The following USP6 variants were observed in gnomAD, a reference collection of about 807,000 sequenced individuals.
The protein encoded by USP6 is ubiquitin specific peptidase 6.
A neutral mutation model predicts 175.7 loss-of-function variants in USP6; 128 were observed. The ratio of observed to expected loss-of-function variants is 0.73; its 90% CI spans 0.63 to 0.84. The LOEUF is 0.84. Ranked by LOEUF, USP6 falls within the 40% of genes least tolerant of loss-of-function variation. USP6 has a pLI of 0.00. For missense variants in USP6, 1,498 were observed against 1,760.3 expected, an observed-to-expected ratio of 0.85 and a Z score of 2.67; for synonymous variants, 562 against 630.6, an observed-to-expected ratio of 0.89 and a Z score of 1.63.
intron 30 of USP6, among the ~76,000 whole-genome samples, chr17:5,150,861 T>C (rs2073751866): frequency 6.6e-6 from 1 of 152,164 alleles, no homozygotes; most frequent in African/African-American, 2.4e-5. Context: ...GGTGGGGGCT[T>C]CCTCCAAAGG....
rs1463152994 is a variant in USP6, at chr17:5,124,763, C to G, written c.-1101C>G. 1 of 152,206 alleles carries G rather than the reference C, an allele frequency of 6.6e-6. No individual in the cohort carries two copies. Among genetic ancestry groups the G allele is most frequent in the Non-Finnish European group, 1.5e-5 (1 of 68,060 alleles). The allele number at this position is 152,206 out of a possible 1,614,324, so 9.4% of individuals were successfully genotyped here. On this transcript the variant is annotated 5_prime_UTR_variant, in exon 5 of 38. Coordinates refer to ENST00000574788, the MANE Select transcript of USP6 (RefSeq NM_001304284.2). ...GGTACTGTAAAACAGCCCTGGGAAA[C>G]TAACGCAGCCTGTTAGCCCACAGAT...
At chr17:5,131,148 C>T (rs1174170063) in intron 11 of USP6, among the ~76,000 whole-genome samples, 2 of 152,006 alleles carry the variant, frequency 1.3e-5, no homozygotes, top group African/African-American at 2.4e-5. Context: ...CCTCACTGTC[C>T]CCATGGGGAA....
chr17:5,164,875 T>G (rs2074068964), intron 33 of USP6, among the ~76,000 whole-genome samples: 1 of 152,264 alleles, frequency 6.6e-6, no homozygotes, highest in Non-Finnish European at 1.5e-5. Context: ...GAGAATACTC[T>G]GTAATTACTC....
At chr17:5,127,831 A>G (rs997038528) in intron 7 of USP6, among the ~76,000 whole-genome samples, 192 bp downstream of exon 7, 3 of 152,242 alleles carry the variant, frequency 2.0e-5, no homozygotes, top group Admixed American at 1.3e-4. Context: ...TGCAGATGCT[A>G]TATAAATGGT....
At chr17:5,131,467 G>A (rs1443407773) in intron 11 of USP6, among the ~76,000 whole-genome samples, 2 of 150,428 alleles carry the variant, frequency 1.3e-5, no homozygotes, top group African/African-American at 4.9e-5. Flanking sequence ...AGAGGCAGGT[G>A]GATGCTTGGC....
At position 5,146,152 on chromosome 17, in the gene USP6, A is replaced by AAGTACATGATTC. The variant is rs766753140; in HGVS notation, c.2298_2309dup (p.Val767_Ser770dup). 4.3e-6 allele frequency: 7 copies of AAGTACATGATTC among 1,610,962 alleles called. No homozygotes were observed. In the Admixed American group the frequency reaches 5.0e-5, roughly 12 times the overall value. ...AATTCAGAACAAATCCTACTAGCAG[A>AAGTACATGATTC]AGTACATGATTCCAACATAAAGGTA... On this transcript the variant is annotated inframe_insertion, in exon 28 of 38. Coordinates refer to ENST00000574788, the MANE Select transcript of USP6 (RefSeq NM_001304284.2).
intron 33 of USP6, among the ~76,000 whole-genome samples, chr17:5,166,135 G>GT (rs1334504820): frequency 6.6e-6 from 1 of 152,064 alleles, no homozygotes; most frequent in Non-Finnish European, 1.5e-5. Flanking sequence ...TGAAGCACGT[G>GT]TTTTTTCCTT....
At position 5,145,537 on chromosome 17, in the gene USP6, T is replaced by C; in HGVS notation, c.2125T>C (p.Leu709=). The C allele has an allele frequency of 6.2e-7, 1 of 1,611,606 alleles. No homozygotes were observed. Among genetic ancestry groups the C allele is most frequent in the Non-Finnish European group, 8.5e-7 (1 of 1,179,028 alleles). ...ATTTGACCCTTTCAATTTTTTGTCTTTGCCACTACCAATGGACAGTTACAT... is the reference window on the plus strand; with the variant it reads ...ATTTGACCCTTTCAATTTTTTGTCTCTGCCACTACCAATGGACAGTTACAT... ...VRFDPFNFLS[L]PLPMDSYMDL... is the part of the protein sequence containing the mutation. The change falls in exon 27 of 38, where the codon TTG becomes CTG. Residue 709 remains leucine, a synonymous_variant. Transcript: ENST00000574788.
chr17:5,117,959 C>T (rs2072571417), intron 1 of USP6, among the ~76,000 whole-genome samples: 1 of 151,834 alleles, frequency 6.6e-6, no homozygotes, highest in Admixed American at 6.6e-5. Flanking sequence ...CTCCCAGCTC[C>T]TCAGGAGGCT....
In USP6 at chr17:5,153,712, A is replaced by G. The variant is rs1262866814; in HGVS notation, c.2644-1710A>G. 2.7e-5 allele frequency among the ~76,000 whole-genome samples: 4 copies of G among 147,258 alleles called. No individual in the cohort carries two copies. The East Asian group carries it at 6.1e-4, about 23-fold the overall frequency. The stretch of plus-strand genomic sequence containing the variant: ...CTGTTGTTGCCCAGGCTGGAGTGCA[A>G]TGGCACGATCTCGGCTCACTGTACT... On this transcript the variant is annotated intron_variant, in intron 30 of 37. Transcript: ENST00000574788.
intron 28 of USP6, 80 bp from the exon 29 acceptor site, chr17:5,147,003 T>G: frequency 7.3e-7 from 1 of 1,374,526 alleles, no homozygotes. Context: ...TAAGACATTC[T>G]TTTGAAATAC....
chr17:5,130,290 G>A, intron 9 of USP6, 77 bp from the exon 10 acceptor site: 2 of 1,464,772 alleles, frequency 1.4e-6, no homozygotes, highest in South Asian at 2.3e-5. Context: ...CAGCATCTGG[G>A]AGCCCGGTGG....
rs968256036 is a variant in USP6, at chr17:5,118,266, C to A, written c.-1861C>A. The stretch of plus-strand genomic sequence containing the variant: ...TGCCCTGTTTACTCAGCCCACTGTG[C>A]TCAACCTCTTGCAGGAGTGTGCAGG... On this transcript the variant is annotated 5_prime_UTR_variant, in exon 2 of 38. Transcript: ENST00000574788. 1.2e-4 allele frequency: 19 copies of A among 152,566 alleles called. No individual in the cohort carries two copies. The highest frequency in any genetic ancestry group is 3.9e-4 in the African/African-American group (16 of 41,468). 9.5% of individuals were successfully genotyped at this position (152,566 alleles called of 1,614,324 possible).
chr17:5,170,305 G>A (rs1365660188), intron 35 of USP6, among the ~76,000 whole-genome samples, 174 bp from the exon 36 acceptor site: 1 of 152,120 alleles, frequency 6.6e-6, no homozygotes, highest in Non-Finnish European at 1.5e-5. Context: ...CATTGAAGAA[G>A]ACAAAAATGT....
intron 21 of USP6, among the ~76,000 whole-genome samples, chr17:5,138,749 G>A (rs2073343303): frequency 6.6e-6 from 1 of 152,216 alleles, no homozygotes; most frequent in Non-Finnish European, 1.5e-5. Context: ...TTCAGGGAGA[G>A]GGCACAGGCG....
chr17:5,162,164 T>C (rs1232283598), intron 32 of USP6, among the ~76,000 whole-genome samples: 1 of 152,212 alleles, frequency 6.6e-6, no homozygotes, highest in Non-Finnish European at 1.5e-5. Flanking sequence ...TGTTTTGTTT[T>C]GTTTTGAGAT....
At position 5,142,501 on chromosome 17, in the gene USP6, GGGTAAGCA is replaced by G. The variant is rs1352497808; in HGVS notation, c.1818+3_1818+10del. The G allele has an allele frequency of 6.2e-7, 1 of 1,609,176 alleles. No individual in the cohort carries two copies. The highest frequency in any genetic ancestry group is 2.2e-5 in the East Asian group (1 of 44,842). ...AAGAGTGTTGCCCCATTAAAGCTTC[GGGTAAGCA>G]GGTTAAAATAATATAAAAGTATTTA... is the stretch of plus-strand genomic sequence containing the variant. On this transcript the variant is annotated splice_donor_variant and splice_donor_5th_base_variant and coding_sequence_variant and intron_variant, in exon 25 of 38. Transcript: ENST00000574788. LOFTEE classifies it high-confidence loss of function.
intron 4 of USP6, chr17:5,122,934 C>CGGAGCCAGTGGAGG (rs1567768319): frequency 6.6e-6 from 1 of 152,430 alleles, no homozygotes; most frequent in East Asian, 1.9e-4. Context: ...ACCGCCAAGC[C>CGGAGCCAGTGGAGG]GGAGCCAGTG....
Position 5,134,971 on chromosome 17 carries a change from C to T in USP6, c.495-263C>T, listed in dbSNP as rs1391658809. 4 of 416,452 alleles carry T rather than the reference C, an allele frequency of 9.6e-6. No individual in the cohort carries two copies. The East Asian group carries it at 2.1e-4, about 21-fold the overall frequency. 25.8% of individuals were successfully genotyped at this position (416,452 alleles called of 1,614,324 possible). ...CATGGAGGAACTGTGCACCCAAAGACTGAACTGGTGTGTGTGCAAAAGAAA... is the reference window on the plus strand; with the variant it reads ...CATGGAGGAACTGTGCACCCAAAGATTGAACTGGTGTGTGTGCAAAAGAAA... On this transcript the variant is annotated intron_variant, in intron 15 of 37. Transcript: ENST00000574788.
Sources: allele counts gnomAD v4.1 joint callset (sites outside exome capture counted in the v4.1 genomes callset), GRCh38; gene constraint gnomAD v4.1.1; transcripts MANE v1.5; gene names NCBI Gene and HGNC (gene_info 2026-07-23, HGNC 2026-07-21).